The following SNTG1 variants were observed in gnomAD, a reference collection of about 807,000 sequenced individuals.
The protein encoded by SNTG1 is syntrophin gamma 1.
Under a neutral mutation model 74.7 loss-of-function variants are expected in SNTG1, and 39 were observed. The observed-to-expected ratio is 0.52, with a 90% CI of 0.40 to 0.68. The LOEUF is 0.68. Ranked by LOEUF, SNTG1 falls within the 30% of genes least tolerant of loss-of-function variation. The pLI is 0.00. For synonymous variants in SNTG1, 254 were observed against 217.1 expected, an observed-to-expected ratio of 1.17 and a Z score of -1.49; for missense variants, 685 against 609.5, an observed-to-expected ratio of 1.12 and a Z score of -1.30.
At chr8:50,589,286 A>G (rs1351179107) in intron 12 of SNTG1, among the ~76,000 whole-genome samples, 1 of 152,212 alleles carries the variant, frequency 6.6e-6, no homozygotes, top group East Asian at 1.9e-4. Context: ...AAATTATAAT[A>G]TAACAATTCC....
intron 8 of SNTG1, among the ~76,000 whole-genome samples, chr8:50,495,268 A>G (rs1271907331): frequency 3.9e-5 from 6 of 152,100 alleles, no homozygotes; most frequent in Non-Finnish European, 8.8e-5. Flanking sequence ...AAAATGCAGA[A>G]AAAAATAATA....
chr8:50,167,171 T>C (rs1347677827), intron 1 of SNTG1, among the ~76,000 whole-genome samples: 11 of 144,934 alleles, frequency 7.6e-5, no homozygotes, highest in South Asian at 2.2e-4. Flanking sequence ...TACCTAATGC[T>C]AGATGACACG....
intron 4 of SNTG1, among the ~76,000 whole-genome samples, chr8:50,406,936 G>A (rs924590446): frequency 6.6e-6 from 1 of 152,100 alleles, no homozygotes; most frequent in African/African-American, 2.4e-5. Flanking sequence ...CTACAACAGA[G>A]AAAGTAGCAC....
At chr8:50,509,886 T>A (rs1011125274) in intron 9 of SNTG1, among the ~76,000 whole-genome samples, 1 of 152,222 alleles carries the variant, frequency 6.6e-6, no homozygotes, top group Non-Finnish European at 1.5e-5. Context: ...ACTTCCTCTT[T>A]TCCTAATTGA....
chr8:50,444,170 A>AACTGAAAT (rs1252036364), intron 5 of SNTG1, among the ~76,000 whole-genome samples: 1 of 152,028 alleles, frequency 6.6e-6, no homozygotes, highest in Non-Finnish European at 1.5e-5. Flanking sequence ...AATAAAACAA[A>AACTGAAAT]ACTGAAATAA....
At chr8:50,621,797 T>C (rs1439541763) in intron 13 of SNTG1, among the ~76,000 whole-genome samples, 1 of 152,236 alleles carries the variant, frequency 6.6e-6, no homozygotes, top group South Asian at 2.1e-4. Context: ...TGATAACCTA[T>C]AAATATTTGA....
At chr8:50,356,064 C>G (rs1183256758) in intron 2 of SNTG1, among the ~76,000 whole-genome samples, 2 of 151,968 alleles carry the variant, frequency 1.3e-5, no homozygotes, top group African/African-American at 4.8e-5. Context: ...TTTTGTCTGT[C>G]TTTCAGCATT....
At chr8:50,351,997 A>C (rs10504105) in intron 2 of SNTG1, among the ~76,000 whole-genome samples, 10,225 of 152,304 alleles carry the variant, frequency 0.067, 366 homozygotes, top group African/African-American at 0.078. Context: ...ATCCTGCCAT[A>C]GAGATTTTAC....
chr8:50,285,341 A>G (rs1467503671), intron 2 of SNTG1, among the ~76,000 whole-genome samples: 1 of 152,138 alleles, frequency 6.6e-6, no homozygotes, highest in African/African-American at 2.4e-5. Context: ...GCTAGGACCA[A>G]TCAGCAAGTA....
chr8:50,576,262 G>A (rs576375909), intron 12 of SNTG1, among the ~76,000 whole-genome samples: 61 of 152,012 alleles, frequency 4.0e-4, no homozygotes, highest in Non-Finnish European at 3.4e-4. Flanking sequence ...AGTGGTTTTG[G>A]CATCTGTGTT....
chr8:50,340,954 A>T (rs368250556), intron 2 of SNTG1, among the ~76,000 whole-genome samples: 3 of 151,934 alleles, frequency 2.0e-5, no homozygotes, highest in Admixed American at 6.6e-5. Flanking sequence ...ACACACAAAA[A>T]AATTTTACTT....
intron 2 of SNTG1, among the ~76,000 whole-genome samples, chr8:50,207,312 G>C (rs1448848615): frequency 6.6e-6 from 1 of 152,072 alleles, no homozygotes; most frequent in East Asian, 1.9e-4. Context: ...TATATGTCCA[G>C]GAATTTATCC....
At position 50,705,193 on chromosome 8, in the gene SNTG1, G is replaced by A. The variant is rs141262843; in HGVS notation, c.1191+441G>A. On this transcript the variant is annotated intron_variant, in intron 16 of 18. Coordinates refer to ENST00000642720, the MANE Select transcript of SNTG1 (RefSeq NM_018967.5). Reference sequence around the variant, plus strand: ...GAGTTTTTGAGACTTTTTATCAAAGGTCATATCATCCAGGAACATGTCCCT... The same window carrying A: ...GAGTTTTTGAGACTTTTTATCAAAGATCATATCATCCAGGAACATGTCCCT... Among the ~76,000 whole-genome samples the A allele has an allele frequency of 9.5e-4, 145 of 152,198 alleles. 1 individual carries two copies. Among genetic ancestry groups the A allele is most frequent in the African/African-American group, 3.4e-3 (141 of 41,526 alleles).
intron 2 of SNTG1, among the ~76,000 whole-genome samples, chr8:50,293,530 C>G (rs111926862): frequency 0.047 from 7,092 of 151,994 alleles, 248 homozygotes; most frequent in Non-Finnish European, 0.075. Flanking sequence ...ATGCCTCAGC[C>G]TCCCGAGTGG....
chr8:50,245,421 A>C (rs772465031), intron 2 of SNTG1, among the ~76,000 whole-genome samples: 1 of 152,014 alleles, frequency 6.6e-6, no homozygotes, highest in Non-Finnish European at 1.5e-5. Flanking sequence ...GGTGGCTCAC[A>C]CCTGTAATCT....
intron 1 of SNTG1, among the ~76,000 whole-genome samples, chr8:50,126,023 A>G (rs1027218219): frequency 1.4e-4 from 21 of 152,284 alleles, no homozygotes; most frequent in African/African-American, 4.8e-4. Context: ...TTTTCCTGCC[A>G]TGCTTTGAAC....
intron 1 of SNTG1, among the ~76,000 whole-genome samples, chr8:50,041,338 C>T (rs1586016012): frequency 6.6e-6 from 1 of 152,080 alleles, no homozygotes; most frequent in Non-Finnish European, 1.5e-5. Context: ...CATTCTCTCC[C>T]AGTTGATGAG....
chr8:49,944,675 A>T (rs548289877), intron 1 of SNTG1, among the ~76,000 whole-genome samples: 2 of 151,518 alleles, frequency 1.3e-5, no homozygotes, highest in Middle Eastern at 3.2e-3. Flanking sequence ...ACATGTATAC[A>T]TGTGTAACTA....
chr8:50,080,078 A>G (rs1390192056), intron 1 of SNTG1, among the ~76,000 whole-genome samples: 2 of 152,146 alleles, frequency 1.3e-5, no homozygotes, highest in Non-Finnish European at 2.9e-5. Flanking sequence ...TGTAATATAA[A>G]AACACAATGT....
Sources: allele counts gnomAD v4.1 joint callset (sites outside exome capture counted in the v4.1 genomes callset), GRCh38; gene constraint gnomAD v4.1.1; transcripts MANE v1.5; gene names NCBI Gene and HGNC (gene_info 2026-07-23, HGNC 2026-07-21).